Variants in FHIT observed in about 807,000 individuals in gnomAD.
The protein encoded by FHIT is fragile histidine triad diadenosine triphosphatase.
FHIT carries 19 observed loss-of-function variants against 17.9 expected under a neutral mutation model. That is an observed-to-expected ratio of 1.06 (90% CI 0.74 to 1.56). FHIT has a LOEUF of 1.56. Ranked by LOEUF, FHIT falls within the 40% of genes most tolerant of loss-of-function variation. The pLI, the probability that FHIT is intolerant of heterozygous loss-of-function variation, is 0.00. For synonymous variants in FHIT, 81 were observed against 69.7 expected (o/e 1.16, Z -0.81); for missense variants, 248 against 189.2 (o/e 1.31, Z -1.82).
intron 5 of FHIT, among the ~76,000 whole-genome samples, chr3:60,095,541 A>C (rs915780499): frequency 1.3e-5 from 2 of 152,210 alleles, no homozygotes; most frequent in African/African-American, 4.8e-5. Context: ...TTTGATTTAA[A>C]AACTGCAATA....
At chr3:60,951,378 G>A (rs1205544676) in intron 3 of FHIT, among the ~76,000 whole-genome samples, 1 of 151,984 alleles carries the variant, frequency 6.6e-6, no homozygotes, top group Non-Finnish European at 1.5e-5. Flanking sequence ...ACTGTTTTTC[G>A]AGTCATGGAA....
At chr3:60,849,931 T>G (rs1429989790) in intron 3 of FHIT, among the ~76,000 whole-genome samples, 8 of 152,090 alleles carry the variant, frequency 5.3e-5, no homozygotes, top group Non-Finnish European at 1.2e-4. Flanking sequence ...TCTTCTAAGT[T>G]GAAAAAACTC....
intron 7 of FHIT, among the ~76,000 whole-genome samples, chr3:59,986,540 T>TATATATATATACACACACACAC (rs1473518719): frequency 8.0e-5 from 1 of 12,450 alleles, no homozygotes. Context: ...TATATATATA[T>TATATATATATACACACACACAC]ACACACACAC....
intron 4 of FHIT, among the ~76,000 whole-genome samples, chr3:60,671,899 G>A (rs1204667772): frequency 6.6e-6 from 1 of 151,918 alleles, no homozygotes; most frequent in African/African-American, 2.4e-5. Context: ...GCAGGGAGCT[G>A]AGACCATGCC....
At chr3:60,599,085 T>C (rs1282642796) in intron 4 of FHIT, among the ~76,000 whole-genome samples, 3 of 152,118 alleles carry the variant, frequency 2.0e-5, no homozygotes, top group African/African-American at 7.2e-5. Flanking sequence ...AAAAGAAAAG[T>C]TACAGGAAGA....
chr3:60,635,318 C>T (rs974328164), intron 4 of FHIT, among the ~76,000 whole-genome samples: 1 of 152,046 alleles, frequency 6.6e-6, no homozygotes, highest in Non-Finnish European at 1.5e-5. Flanking sequence ...GCATAAAGGC[C>T]AAAGGCCACT....
intron 5 of FHIT, among the ~76,000 whole-genome samples, chr3:60,346,388 T>C (rs922691974): frequency 6.6e-6 from 1 of 152,188 alleles, no homozygotes; most frequent in Non-Finnish European, 1.5e-5. Context: ...ATGCTAATAA[T>C]GACAGCTCTT....
intron 3 of FHIT, among the ~76,000 whole-genome samples, chr3:60,926,517 A>G (rs567821252): frequency 6.6e-6 from 1 of 152,224 alleles, no homozygotes; most frequent in African/African-American, 2.4e-5. Flanking sequence ...ATGAGAACAA[A>G]GACACAACAT....
intron 2 of FHIT, among the ~76,000 whole-genome samples, chr3:61,141,296 T>C (rs989588161): frequency 6.6e-6 from 1 of 152,106 alleles, no homozygotes; most frequent in South Asian, 2.1e-4. Context: ...CTTCCACCTA[T>C]TGTGGTGCTT....
At chr3:60,537,507 T>G in intron 4 of FHIT, 2 of 969,258 alleles carry the variant, frequency 2.1e-6, no homozygotes, top group Non-Finnish European at 1.2e-6. Flanking sequence ...ACTATTCTAG[T>G]AAAATCTCCA....
At chr3:59,859,416 A>G (rs938649322) in intron 8 of FHIT, among the ~76,000 whole-genome samples, 5 of 152,198 alleles carry the variant, frequency 3.3e-5, no homozygotes, top group African/African-American at 1.2e-4. Flanking sequence ...GAGACAGGGA[A>G]AGAATAAAAA....
chr3:59,851,154 G>A (rs1184795926), intron 8 of FHIT, among the ~76,000 whole-genome samples: 1 of 151,792 alleles, frequency 6.6e-6, no homozygotes. Flanking sequence ...ACAGTCAGCT[G>A]ATGGTCTCAT....
At chr3:59,869,210 G>C (rs550293625) in intron 8 of FHIT, among the ~76,000 whole-genome samples, 1 of 152,278 alleles carries the variant, frequency 6.6e-6, no homozygotes, top group Non-Finnish European at 1.5e-5. Context: ...CCGATTTTGT[G>C]ATTAGAAGTA....
chr3:60,433,985 C>A (rs1223280575), intron 5 of FHIT, among the ~76,000 whole-genome samples: 1 of 151,986 alleles, frequency 6.6e-6, no homozygotes, highest in South Asian at 2.1e-4. Context: ...AAATTATTGC[C>A]TAGACAAATG....
intron 4 of FHIT, among the ~76,000 whole-genome samples, chr3:60,553,917 C>T (rs551398906): frequency 3.9e-5 from 6 of 152,134 alleles, no homozygotes; most frequent in Admixed American, 3.9e-4. Flanking sequence ...AAAACCCTGT[C>T]TCTACTAAAA....
chr3:60,760,216 G>A (rs183170128), intron 4 of FHIT, among the ~76,000 whole-genome samples: 28 of 152,274 alleles, frequency 1.8e-4, no homozygotes, highest in Admixed American at 5.9e-4. Flanking sequence ...AGATAATTGC[G>A]GAAGCCAAGT....
At chr3:59,829,039 A>C (rs1454124857) in intron 8 of FHIT, among the ~76,000 whole-genome samples, 1 of 152,190 alleles carries the variant, frequency 6.6e-6, no homozygotes, top group Admixed American at 6.5e-5. Flanking sequence ...AAAAGATAAA[A>C]TGTGGATGCA....
At chr3:59,755,149 G>GTACTACTTATCAACAC in intron 8 of FHIT, among the ~76,000 whole-genome samples, 1 of 152,288 alleles carries the variant, frequency 6.6e-6, no homozygotes, top group South Asian at 2.1e-4. Flanking sequence ...CCTATCAACA[G>GTACTACTTATCAACAC]TACTACTGCT....
At chr3:60,448,203 G>A (rs2031478383) in intron 5 of FHIT, among the ~76,000 whole-genome samples, 1 of 152,210 alleles carries the variant, frequency 6.6e-6, no homozygotes. Context: ...TTATCCCAGG[G>A]TGGGATTACT....
Sources: allele counts gnomAD v4.1 joint callset (sites outside exome capture counted in the v4.1 genomes callset), GRCh38; gene constraint gnomAD v4.1.1; transcripts MANE v1.5; gene names NCBI Gene and HGNC (gene_info 2026-07-23, HGNC 2026-07-21).